The following PCCA variants were observed in gnomAD, a reference collection of about 807,000 sequenced individuals.
PCCA encodes propionyl-CoA carboxylase subunit alpha.
Under a neutral mutation model 101.3 loss-of-function variants are expected in PCCA, and 74 were observed. The observed-to-expected ratio is 0.73, with a 90% confidence interval of 0.61 to 0.89. The LOEUF (loss-of-function observed/expected upper bound fraction) is 0.89. PCCA is among the 40% of genes least tolerant of loss of function. PCCA has a pLI of 0.00. For synonymous variants in PCCA, 294 were observed against 313.6 expected (o/e 0.94, Z 0.66); for missense variants, 891 against 907.0 (o/e 0.98, Z 0.23).
chr13:100,516,828 G>A (rs760748446), intron 22 of PCCA, among the ~76,000 whole-genome samples: 3 of 150,716 alleles, frequency 2.0e-5, no homozygotes, highest in Non-Finnish European at 2.9e-5. Flanking sequence ...GGATAGTCTC[G>A]TGGCCTTGAC....
intron 6 of PCCA, among the ~76,000 whole-genome samples, chr13:100,164,102 T>G (rs2054788567): frequency 6.6e-6 from 1 of 152,204 alleles, no homozygotes; most frequent in African/African-American, 2.4e-5. Flanking sequence ...AATTTTGTTA[T>G]AAACATGTTG....
intron 8 of PCCA, among the ~76,000 whole-genome samples, chr13:100,238,062 C>CT (rs2060911951): frequency 6.6e-6 from 1 of 151,826 alleles, no homozygotes; most frequent in South Asian, 2.1e-4. Flanking sequence ...CCTTCACCTC[C>CT]TGAGTAGCTG....
chr13:100,150,615 A>G, intron 4 of PCCA: 1 of 1,221,290 alleles, frequency 8.2e-7, no homozygotes, highest in Non-Finnish European at 1.2e-6. Context: ...CAGCCCACAC[A>G]TCTCCCTGTG....
chr13:100,174,914 T>C (rs984705352), intron 6 of PCCA, among the ~76,000 whole-genome samples: 2 of 152,016 alleles, frequency 1.3e-5, no homozygotes, highest in Non-Finnish European at 2.9e-5. Flanking sequence ...TATTTGAAAT[T>C]CTCATTAAAG....
chr13:100,369,339 A>T (rs2075416628), intron 19 of PCCA, among the ~76,000 whole-genome samples: 1 of 152,218 alleles, frequency 6.6e-6, no homozygotes, highest in Non-Finnish European at 1.5e-5. Context: ...AAACAAGTGA[A>T]TTTTTATCAG....
intron 21 of PCCA, among the ~76,000 whole-genome samples, chr13:100,468,530 T>C (rs79031292): frequency 0.028 from 4,191 of 152,338 alleles, 205 homozygotes; most frequent in African/African-American, 0.094. Context: ...TCATCAGCAC[T>C]TGGTACTTTG....
chr13:100,307,200 G>A lies in PCCA; in HGVS notation c.1293G>A (p.Val431=). 1.2e-6 allele frequency: 2 copies of A among 1,609,438 alleles called. No homozygotes were observed. The highest frequency in any genetic ancestry group is 1.1e-5 in the South Asian group (1 of 90,988). The change falls in exon 15 of 24, where the codon GTG becomes GTA. Residue 431 remains valine, a synonymous_variant. Coordinates refer to ENST00000376285, the MANE Select transcript of PCCA (RefSeq NM_000282.4). ...TTCTTTTTTTCTCCCAGGTCCGAGT[G>A]GACAGTGGCATCCAACCAGGAAGTG... The part of the protein sequence containing the change: ...QEPLHLPGVR[V]DSGIQPGSDI...
chr13:100,144,579 CTA>C (rs1334806509), intron 4 of PCCA, among the ~76,000 whole-genome samples: 2 of 152,004 alleles, frequency 1.3e-5, no homozygotes, highest in Non-Finnish European at 2.9e-5. Context: ...TTGTAGAAAA[CTA>C]TGTTCTTGTT....
chr13:100,273,302 T>G lies in PCCA; in HGVS notation c.1021T>G (p.Ser341Ala), dbSNP rs770880264. Reference protein sequence around the residue: ...SAGTVEFLVDSKKNFYFLEMN... With the variant: ...SAGTVEFLVDAKKNFYFLEMN... ...TGGGACCGTGGAGTTCCTTGTGGACTCTAAGAAGAATTTTTATTTCTTGGA... is the reference window on the plus strand; with the variant it reads ...TGGGACCGTGGAGTTCCTTGTGGACGCTAAGAAGAATTTTTATTTCTTGGA... The change falls in exon 12 of 24, where the codon TCT becomes GCT. Residue 341 changes from serine (S) to alanine (A), a missense_variant. Transcript: ENST00000376285. 6.2e-7 allele frequency: 1 copy of G among 1,613,034 alleles called. No individual in the cohort carries two copies. Among genetic ancestry groups the G allele is most frequent in the East Asian group, 2.2e-5 (1 of 44,856 alleles).
chr13:100,424,461 T>C (rs963424744), intron 19 of PCCA, among the ~76,000 whole-genome samples: 4 of 152,142 alleles, frequency 2.6e-5, no homozygotes, highest in African/African-American at 9.7e-5. Flanking sequence ...CACGATGTAC[T>C]TGGGTTATTT....
intron 19 of PCCA, among the ~76,000 whole-genome samples, chr13:100,416,559 G>A (rs960721305): frequency 6.7e-6 from 1 of 149,460 alleles, no homozygotes; most frequent in Non-Finnish European, 1.5e-5. Flanking sequence ...TTTTTATGGA[G>A]TCTTGCTCTG....
chr13:100,159,428 A>G (rs1041644367), intron 6 of PCCA, among the ~76,000 whole-genome samples: 3 of 152,146 alleles, frequency 2.0e-5, no homozygotes, highest in Non-Finnish European at 4.4e-5. Context: ...GCCTTTGAGA[A>G]GGATATATTA....
chr13:100,346,199 A>G (rs548035757), intron 18 of PCCA, among the ~76,000 whole-genome samples: 142 of 152,344 alleles, frequency 9.3e-4, no homozygotes, highest in African/African-American at 3.3e-3. Flanking sequence ...ATAAATAGTG[A>G]TTCCTATGAT....
intron 19 of PCCA, among the ~76,000 whole-genome samples, chr13:100,409,055 C>T (rs1167293762): frequency 4.6e-5 from 7 of 152,090 alleles, no homozygotes; most frequent in Non-Finnish European, 5.9e-5. Context: ...CCAGCCACCC[C>T]GGGTGCCCTT....
intron 19 of PCCA, among the ~76,000 whole-genome samples, chr13:100,425,159 C>T (rs144969254): frequency 1.1e-3 from 165 of 152,222 alleles, no homozygotes; most frequent in African/African-American, 3.9e-3. Flanking sequence ...TGATATTCAA[C>T]ACCAAAGAAT....
chr13:100,429,124 G>A (rs2079368167), intron 20 of PCCA, among the ~76,000 whole-genome samples: 1 of 152,038 alleles, frequency 6.6e-6, no homozygotes, highest in South Asian at 2.1e-4. Context: ...GAAGGGATCT[G>A]CAAGCGTGAC....
intron 19 of PCCA, among the ~76,000 whole-genome samples, chr13:100,369,416 G>A (rs1196227457): frequency 6.6e-6 from 1 of 152,174 alleles, no homozygotes; most frequent in Non-Finnish European, 1.5e-5. Flanking sequence ...GGTGTGGCTT[G>A]AGAGGGGTAC....
intron 4 of PCCA, among the ~76,000 whole-genome samples, chr13:100,120,363 C>G (rs994192520): frequency 4.6e-5 from 7 of 151,820 alleles, no homozygotes; most frequent in African/African-American, 1.7e-4. Context: ...TTTTTCATCC[C>G]TTGTAGTTTT....
At chr13:100,250,145 C>G (rs2061668439) in intron 8 of PCCA, among the ~76,000 whole-genome samples, 1 of 152,020 alleles carries the variant, frequency 6.6e-6, no homozygotes, top group Non-Finnish European at 1.5e-5. Flanking sequence ...TGTATTTTTC[C>G]TGATTTTTGG....
Sources: gnomAD v4.1 joint callset for allele counts (sites outside exome capture counted in the v4.1 genomes callset) on GRCh38, gnomAD v4.1.1 for gene constraint, MANE v1.5 for transcripts, NCBI Gene and HGNC (gene_info 2026-07-23, HGNC 2026-07-21) for gene names.